Variants in KIAA1614 observed in about 807,000 individuals in gnomAD.
The protein encoded by KIAA1614 is uncharacterized protein KIAA1614.
Under a neutral mutation model 88.7 loss-of-function variants are expected in KIAA1614, and 76 were observed. The ratio of observed to expected loss-of-function variants is 0.86; its 90% CI spans 0.71 to 1.04. The LOEUF is 1.04. Among genes scored for constraint, KIAA1614 ranks in the 50% least tolerant of loss-of-function variants. The pLI is 0.00. For missense variants in KIAA1614, 1,553 were observed against 1,582.5 expected (o/e 0.98, Z 0.32); for synonymous variants, 714 against 675.5 (o/e 1.06, Z -0.88).
At position 180,945,367 on chromosome 1, in the gene KIAA1614, C is replaced by T. The variant is rs765373401; in HGVS notation, c.3352C>T (p.Arg1118Cys). 6.9e-6 allele frequency: 11 copies of T among 1,599,550 alleles called. No individual in the cohort carries two copies. The highest frequency in any genetic ancestry group is 2.2e-5 in the South Asian group (2 of 89,166). Residue 1118 changes from arginine (R) to cysteine (C), a missense_variant, in exon 9 of 9, where the codon CGC (arginine) becomes TGC (cysteine). By Grantham distance (180) the Arg-to-Cys change is radical. Coordinates refer to ENST00000367588, the MANE Select transcript of KIAA1614 (RefSeq NM_020950.2). Reference protein sequence around the residue: ...VEDVGAPSLARTVGRLVEVFP... With the variant: ...VEDVGAPSLACTVGRLVEVFP... ...GGACGTGGGTGCTCCCAGCCTGGCT[C>T]GCACCGTGGGCCGCCTGGTGGAGGT...
At chr1:180,930,158 G>A (rs981713072) in intron 4 of KIAA1614, among the ~76,000 whole-genome samples, 11 of 152,124 alleles carry the variant, frequency 7.2e-5, no homozygotes, top group Admixed American at 3.3e-4. Context: ...CGTGGCTCAC[G>A]CCTGTAATCC....
chr1:180,919,855 T>C (rs1221015289), intron 3 of KIAA1614, among the ~76,000 whole-genome samples: 1 of 152,130 alleles, frequency 6.6e-6, no homozygotes, highest in Admixed American at 6.5e-5. Context: ...CCAGCATCCA[T>C]GGGCTGCATT....
Position 180,928,534 on chromosome 1 carries a change from C to T in KIAA1614, c.1166C>T (p.Ala389Val), listed in dbSNP as rs745494323. Residue 389 changes from alanine (A) to valine (V), a missense_variant, in exon 4 of 9, where the codon GCC (alanine) becomes GTC (valine). Physicochemically the swap from Ala to Val is moderately conservative, Grantham distance 64. Transcript: ENST00000367588. The stretch of plus-strand genomic sequence containing the variant: ...AAGGCCAGGACCCGGCCCCTCCGTG[C>T]CAGCCATGACATCGTGCCCACCATT... ...RMKARTRPLR[A>V]SHDIVPTITQ... The T allele has an allele frequency of 1.2e-5, 20 of 1,612,916 alleles. No individual in the cohort carries two copies. Among genetic ancestry groups the T allele is most frequent in the Non-Finnish European group, 1.5e-5 (18 of 1,179,892 alleles).
chr1:180,932,345 A>C (rs1233608909), intron 4 of KIAA1614, among the ~76,000 whole-genome samples: 2 of 151,932 alleles, frequency 1.3e-5, no homozygotes, highest in Non-Finnish European at 2.9e-5. Context: ...GGCCCTAGGC[A>C]CTTTTGCCTT....
rs199652895 is a variant in KIAA1614 at position 180,928,403 on chromosome 1, C to G, written c.1062-27C>G. 2.4e-5 allele frequency: 37 copies of G among 1,516,878 alleles called. 2 individuals are homozygous for G. The Middle Eastern group carries it at 5.2e-4, about 22-fold the overall frequency. 94.0% of individuals were successfully genotyped at this position (1,516,878 alleles called of 1,614,324 possible). A position where few individuals can be genotyped will look rare whatever the true frequency, so the allele number is the denominator to read the frequency against. ...TATTTTCCTCTAATCCCTCCCCCAC[C>G]ACCCTGGCCTGTGTGCCACGCTGCA... is the stretch of plus-strand genomic sequence containing the variant. On this transcript the variant is annotated intron_variant, in intron 3 of 8. Coordinates refer to ENST00000367588, the MANE Select transcript of KIAA1614 (RefSeq NM_020950.2).
chr1:180,938,062 G>A (rs1051363360), intron 5 of KIAA1614, among the ~76,000 whole-genome samples: 2 of 152,204 alleles, frequency 1.3e-5, no homozygotes, highest in African/African-American at 2.4e-5. Flanking sequence ...TCTCTGGAGA[G>A]GATTCCACTT....
At position 180,935,884 on chromosome 1, in the gene KIAA1614, T is replaced by TG; in HGVS notation, c.1977dup (p.Ser660ValfsTer5). 1 of 1,613,802 alleles carries TG rather than the reference T, an allele frequency of 6.2e-7. No individual in the cohort carries two copies. The highest frequency in any genetic ancestry group is 2.2e-5 in the East Asian group (1 of 44,872). On this transcript the variant is annotated frameshift_variant, in exon 5 of 9. Coordinates refer to ENST00000367588, the MANE Select transcript of KIAA1614 (RefSeq NM_020950.2). LOFTEE classifies it high-confidence loss of function. This position sits in a 1 kb window ranked among gnomAD's most constrained non-coding sequence, Gnocchi z 6.1. Reference sequence around the variant, plus strand: ...GGGCTCCAGGCCTCGAGGCCACAGGTGGTCCAAGAAGGCTGAGGCGGAGCT... The same window carrying TG: ...GGGCTCCAGGCCTCGAGGCCACAGGTGGGTCCAAGAAGGCTGAGGCGGAGCT...
Position 180,936,684 on chromosome 1 carries a change from G to A in KIAA1614, c.2761+14G>A, listed in dbSNP as rs1243304970. ...ACAGCAGAGATGGTAAGGGGCTGCC[G>A]CTGGTTCCTGCCCAGCCCAGGCCTG... On this transcript the variant is annotated intron_variant, in intron 5 of 8. Transcript: ENST00000367588. The A allele has an allele frequency of 2.7e-6, 4 of 1,459,224 alleles. No homozygotes were observed. Among genetic ancestry groups the A allele is most frequent in the African/African-American group, 2.8e-5 (2 of 71,064 alleles). The allele number at this position is 1,459,224 out of a possible 1,614,324, so 90.4% of individuals were successfully genotyped here.
intron 6 of KIAA1614, among the ~76,000 whole-genome samples, chr1:180,940,257 T>C (rs946887943): frequency 3.3e-5 from 5 of 152,100 alleles, no homozygotes; most frequent in Admixed American, 3.3e-4. Context: ...TCCCAGCACA[T>C]TGGGAGGATG....
rs1654710155 is a variant in KIAA1614, at chr1:180,950,588, GGGTGGTT to G, written c.*5003_*5009del. ...GGCCTCGGAAGCCCTGAAGCACTCAGGGTGGTTGGCAGGAACGTGCTGCACAGAGCTG... is the reference window on the plus strand; with the variant it reads ...GGCCTCGGAAGCCCTGAAGCACTCAGGGCAGGAACGTGCTGCACAGAGCTG... On this transcript the variant is annotated 3_prime_UTR_variant, in exon 9 of 9. Coordinates refer to ENST00000367588, the MANE Select transcript of KIAA1614 (RefSeq NM_020950.2). 2 of 1,020,752 alleles carry G rather than the reference GGGTGGTT, an allele frequency of 2.0e-6. No homozygotes were observed. The highest frequency in any genetic ancestry group is 1.2e-6 in the Non-Finnish European group (1 of 832,774). 63.2% of individuals were successfully genotyped at this position (1,020,752 alleles called of 1,614,324 possible).
intron 4 of KIAA1614, among the ~76,000 whole-genome samples, chr1:180,933,879 T>C (rs1482783074): frequency 6.6e-6 from 1 of 152,174 alleles, no homozygotes; most frequent in South Asian, 2.1e-4. Context: ...AGGAGAAACA[T>C]CACTGTTGCC....
chr1:180,916,424 C>A lies in KIAA1614; in HGVS notation c.321C>A (p.Ser107=). The A allele has an allele frequency of 6.2e-7, 1 of 1,614,194 alleles. No homozygotes were observed. The highest frequency in any genetic ancestry group is 1.7e-5 in the Admixed American group (1 of 60,028). ...AKQGVSPCSA[S]QEWSSPKKPQ... ...AGGGAGTGAGTCCCTGCTCTGCTTC[C>A]CAAGAGTGGTCATCCCCCAAGAAAC... The change falls in exon 2 of 9, where the codon TCC becomes TCA. Residue 107 remains serine, a synonymous_variant. Transcript: ENST00000367588.
intron 3 of KIAA1614, among the ~76,000 whole-genome samples, chr1:180,920,362 C>T (rs531533257): frequency 1.3e-5 from 2 of 152,316 alleles, no homozygotes; most frequent in Admixed American, 6.5e-5. Flanking sequence ...GGTCCTGGGG[C>T]TTAGTGTCTG....
rs3795502 is a variant in KIAA1614, at chr1:180,950,890, T to C, written c.*5302T>C. 0.74 allele frequency: 112,109 copies of C among 152,314 alleles called. 41,433 individuals are homozygous for C. The highest frequency in any genetic ancestry group is 0.79 in the South Asian group (3,831 of 4,826). The allele number at this position is 152,314 out of a possible 1,614,324, so 9.4% of individuals were successfully genotyped here. Reference sequence around the variant, plus strand: ...GAGCCGGCCTCACCTCCTGGTCCCATGCCTGGTCAAAGGCTACAGCCTCCA... The same window carrying C: ...GAGCCGGCCTCACCTCCTGGTCCCACGCCTGGTCAAAGGCTACAGCCTCCA... On this transcript the variant is annotated 3_prime_UTR_variant, in exon 9 of 9. Transcript: ENST00000367588.
At chr1:180,915,252 G>A (rs1339276864) in intron 1 of KIAA1614, among the ~76,000 whole-genome samples, 1 of 152,186 alleles carries the variant, frequency 6.6e-6, no homozygotes, top group African/African-American at 2.4e-5. Flanking sequence ...GTGGTCCTGT[G>A]GCTTGTGCAT....
Position 180,949,414 on chromosome 1 carries a change from G to A in KIAA1614, c.*3826G>A, listed in dbSNP as rs986147609. ...TTACTCTCCCAGGTGGGAGCAGCTG[G>A]AGGGGAATTTGAAAGGTTTCCAGCC... is the stretch of plus-strand genomic sequence containing the variant. On this transcript the variant is annotated 3_prime_UTR_variant, in exon 9 of 9. Transcript: ENST00000367588. 6.6e-6 allele frequency: 1 copy of A among 152,362 alleles called. No homozygotes were observed. Among genetic ancestry groups the A allele is most frequent in the African/African-American group, 2.4e-5 (1 of 41,476 alleles). The allele number at this position is 152,362 out of a possible 1,614,324, so 9.4% of individuals were successfully genotyped here. A position where few individuals can be genotyped will look rare whatever the true frequency, so the allele number is the denominator to read the frequency against.
chr1:180,917,171 A>T, intron 2 of KIAA1614, 71 bp downstream of exon 2: 1 of 1,239,292 alleles, frequency 8.1e-7, no homozygotes, highest in Admixed American at 2.1e-5. Context: ...AAAGGGGACG[A>T]GGGGGTCCCA....
chr1:180,930,264 A>G (rs796284253), intron 4 of KIAA1614, among the ~76,000 whole-genome samples: 1 of 152,072 alleles, frequency 6.6e-6, no homozygotes, highest in East Asian at 1.9e-4. Flanking sequence ...CTAAAGATAC[A>G]AAAAATTAGC....
chr1:180,936,179 C>A lies in KIAA1614; in HGVS notation c.2270C>A (p.Ser757Ter). 1 of 1,614,186 alleles carries A rather than the reference C, an allele frequency of 6.2e-7. No homozygotes were observed. Among genetic ancestry groups the A allele is most frequent in the Non-Finnish European group, 8.5e-7 (1 of 1,180,022 alleles). The stretch of plus-strand genomic sequence containing the variant: ...ACCACCGCCCCCATGACGCCTGAAT[C>A]ATCGGGGCCAGGAGGCCAGGCCCAG... ...YATTAPMTPE[S>*]SGPGGQAQVT... is the part of the protein sequence containing the mutation. The change falls in exon 5 of 9, where the codon TCA becomes TAA. Residue 757 changes from serine (S) to a stop codon, truncating the protein, a stop_gained. Transcript: ENST00000367588. LOFTEE classifies it high-confidence loss of function.
Sources: gnomAD v4.1 joint callset for allele counts (sites outside exome capture counted in the v4.1 genomes callset) on GRCh38, gnomAD v4.1.1 for gene constraint, Gnocchi (gnomAD v3.1) non-coding constraint, MANE v1.5 for transcripts, NCBI Gene and HGNC (gene_info 2026-07-23, HGNC 2026-07-21) for gene names.